SPHKAP: variants seen among roughly 807,000 people sequenced by gnomAD.
SPHKAP encodes the protein SPHK1 interactor, AKAP domain containing.
A neutral mutation model predicts 137.5 loss-of-function variants in SPHKAP; 67 were observed. That is an observed-to-expected ratio of 0.49 (90% CI 0.40 to 0.60). The LOEUF is 0.60. SPHKAP is among the 20% of genes least tolerant of loss of function. SPHKAP has a pLI of 0.00. For missense variants in SPHKAP, 2,097 were observed against 2,069.3 expected (o/e 1.01, Z -0.26); for synonymous variants, 813 against 785.3 (o/e 1.04, Z -0.59).
intron 3 of SPHKAP, among the ~76,000 whole-genome samples, chr2:228,054,469 T>G (rs1696368451): frequency 1.3e-5 from 2 of 152,148 alleles, no homozygotes; most frequent in Non-Finnish European, 2.9e-5. Context: ...AATAACATTT[T>G]GAGAAGTTTG....
intron 1 of SPHKAP, among the ~76,000 whole-genome samples, chr2:228,156,543 T>A (rs1700112971): frequency 6.6e-6 from 1 of 152,222 alleles, no homozygotes; most frequent in East Asian, 1.9e-4. Flanking sequence ...AAGAACATAA[T>A]CCTTTCTAAG....
intron 3 of SPHKAP, among the ~76,000 whole-genome samples, chr2:228,066,492 T>C (rs1282881983): frequency 6.6e-6 from 1 of 152,172 alleles, no homozygotes; most frequent in African/African-American, 2.4e-5. Context: ...TATCCTCTTT[T>C]AAAAAGGTTA....
At chr2:228,168,147 A>G (rs925523775) in intron 1 of SPHKAP, among the ~76,000 whole-genome samples, 1 of 152,186 alleles carries the variant, frequency 6.6e-6, no homozygotes, top group South Asian at 2.1e-4. Context: ...AACTTTTTAT[A>G]TACAGTTTAT....
At chr2:228,134,261 GAAAT>G (rs1473584374) in intron 1 of SPHKAP, among the ~76,000 whole-genome samples, 1 of 150,976 alleles carries the variant, frequency 6.6e-6, no homozygotes, top group East Asian at 1.9e-4. Flanking sequence ...AGGAAGGAAA[GAAAT>G]AAAGAAGGAA....
At chr2:228,073,576 A>G (rs1697072821) in intron 3 of SPHKAP, among the ~76,000 whole-genome samples, 1 of 152,240 alleles carries the variant, frequency 6.6e-6, no homozygotes, top group Admixed American at 6.5e-5. Flanking sequence ...AGACTATAAC[A>G]TAAACAGAGC....
chr2:228,149,189 C>CT (rs1208314385), intron 1 of SPHKAP, among the ~76,000 whole-genome samples: 1 of 152,142 alleles, frequency 6.6e-6, no homozygotes, highest in East Asian at 1.9e-4. Flanking sequence ...TTTATTTCAG[C>CT]TTTTTTGTAT....
chr2:228,084,582 G>A (rs563245723), intron 3 of SPHKAP, among the ~76,000 whole-genome samples: 150 of 152,282 alleles, frequency 9.9e-4, no homozygotes, highest in African/African-American at 3.5e-3. Context: ...CATCTTAAAT[G>A]TCCTGTGGAG....
intron 1 of SPHKAP, among the ~76,000 whole-genome samples, chr2:228,139,934 CT>C (rs80198973): frequency 7.0e-6 from 1 of 143,504 alleles, no homozygotes; most frequent in Non-Finnish European, 1.6e-5. Flanking sequence ...TTCTTTCTTT[CT>C]TTTTCTTTTC....
At chr2:227,999,095 CTT>C (rs1693747727) in intron 7 of SPHKAP, among the ~76,000 whole-genome samples, 1 of 152,136 alleles carries the variant, frequency 6.6e-6, no homozygotes, top group African/African-American at 2.4e-5. Flanking sequence ...AAATGCATAA[CTT>C]TTTGAGTGTG....
At chr2:228,151,568 A>G (rs1699931875) in intron 1 of SPHKAP, among the ~76,000 whole-genome samples, 1 of 152,028 alleles carries the variant, frequency 6.6e-6, no homozygotes, top group South Asian at 2.1e-4. Flanking sequence ...AAGTGTTCCT[A>G]TTTCTCCACA....
chr2:228,080,012 C>G (rs1425380760), intron 3 of SPHKAP, among the ~76,000 whole-genome samples: 1 of 151,962 alleles, frequency 6.6e-6, no homozygotes, highest in African/African-American at 2.4e-5. Flanking sequence ...AATGTAAGAC[C>G]TAAAACTGTA....
At chr2:228,165,710 G>A (rs569876982) in intron 1 of SPHKAP, among the ~76,000 whole-genome samples, 1 of 152,320 alleles carries the variant, frequency 6.6e-6, no homozygotes, top group African/African-American at 2.4e-5. Flanking sequence ...AAGATCAAGT[G>A]TCCTTGTTAT....
chr2:228,069,714 A>G (rs1247055504), intron 3 of SPHKAP, among the ~76,000 whole-genome samples: 1 of 152,192 alleles, frequency 6.6e-6, no homozygotes, highest in Non-Finnish European at 1.5e-5. Flanking sequence ...TAATGCACAG[A>G]TAACGGGTAC....
chr2:228,123,251 C>T (rs956629847), intron 2 of SPHKAP, among the ~76,000 whole-genome samples: 3 of 152,150 alleles, frequency 2.0e-5, no homozygotes, highest in Non-Finnish European at 4.4e-5. Flanking sequence ...CCCATTTCTT[C>T]AATGCTTCTG....
At chr2:228,159,445 C>T (rs951820164) in intron 1 of SPHKAP, among the ~76,000 whole-genome samples, 5 of 152,062 alleles carry the variant, frequency 3.3e-5, no homozygotes, top group South Asian at 2.1e-4. Flanking sequence ...CTGGAAACAA[C>T]GCACCCACAG....
chr2:228,077,260 G>T (rs147202776), intron 3 of SPHKAP, among the ~76,000 whole-genome samples: 23 of 152,266 alleles, frequency 1.5e-4, no homozygotes, highest in African/African-American at 5.5e-4. Flanking sequence ...GTCCCTACTG[G>T]GGCACCACCT....
At chr2:228,081,182 G>A (rs1173704948) in intron 3 of SPHKAP, among the ~76,000 whole-genome samples, 1 of 152,184 alleles carries the variant, frequency 6.6e-6, no homozygotes, top group Non-Finnish European at 1.5e-5. Flanking sequence ...CTTATCTTAT[G>A]TAAAGTGCTG....
intron 1 of SPHKAP, among the ~76,000 whole-genome samples, chr2:228,174,297 AG>A (rs1179745662): frequency 6.7e-6 from 1 of 149,728 alleles, no homozygotes; most frequent in Non-Finnish European, 1.5e-5. Flanking sequence ...AAACATAGGC[AG>A]GAACCTTTTT....
At chr2:228,031,228 C>T (rs186386047) in intron 3 of SPHKAP, among the ~76,000 whole-genome samples, 1 of 152,192 alleles carries the variant, frequency 6.6e-6, no homozygotes, top group Non-Finnish European at 1.5e-5. Flanking sequence ...TATCCCGCAC[C>T]TGGCTCAGAG....
Sources: gnomAD v4.1 joint callset for allele counts (sites outside exome capture counted in the v4.1 genomes callset) on GRCh38, gnomAD v4.1.1 for gene constraint, MANE v1.5 for transcripts, NCBI Gene and HGNC (gene_info 2026-07-23, HGNC 2026-07-21) for gene names.